GPC5: variants seen among roughly 807,000 people sequenced by gnomAD.
GPC5 encodes glypican-5.
GPC5 carries 47 observed loss-of-function variants against 53.9 expected under a neutral mutation model. That is an observed-to-expected ratio of 0.87 (90% CI 0.69 to 1.11). GPC5 has a LOEUF of 1.11. Ranked by LOEUF, GPC5 falls within the 50% of genes most tolerant of loss-of-function variation. GPC5 has a pLI of 0.00. For synonymous variants in GPC5, 286 were observed against 263.3 expected (o/e 1.09, Z -0.84); for missense variants, 748 against 713.1 (o/e 1.05, Z -0.56).
rs139480581 is a variant in GPC5, at chr13:91,648,496, A to G, written c.326-44691A>G. Among the ~76,000 whole-genome samples the G allele has an allele frequency of 1.2e-3, 183 of 152,254 alleles. 7 individuals are homozygous for G. In the East Asian group the frequency reaches 0.029, roughly 24 times the overall value. Reference sequence around the variant, plus strand: ...GATATATATAAATTGATTCTTCTTGAAACAATGATCCATAAGGCCTTTTAA... The same window carrying G: ...GATATATATAAATTGATTCTTCTTGGAACAATGATCCATAAGGCCTTTTAA... On this transcript the variant is annotated intron_variant, in intron 2 of 7. Coordinates refer to ENST00000377067, the MANE Select transcript of GPC5 (RefSeq NM_004466.6).
rs537438808 is a variant in GPC5 at position 92,071,782 on chromosome 13, AT to A, written c.1402-73040del. Among the ~76,000 whole-genome samples the A allele has an allele frequency of 5.8e-4, 87 of 149,792 alleles. 1 individual carries two copies. In the South Asian group the frequency reaches 0.017, roughly 30 times the overall value. On this transcript the variant is annotated intron_variant, in intron 6 of 7. Transcript: ENST00000377067. The stretch of plus-strand genomic sequence containing the variant: ...ATGTTTTTTCAAGAGAAAAGACACA[AT>A]TTTTTTTATCCAATGTGCCTTTAAA...
chr13:92,206,340 T>C (rs2042337251), intron 7 of GPC5, among the ~76,000 whole-genome samples: 1 of 151,180 alleles, frequency 6.6e-6, no homozygotes, highest in African/African-American at 2.4e-5. Flanking sequence ...AATTTTTTTG[T>C]AGTTTTAGTA....
At position 91,405,675 on chromosome 13, in the gene GPC5, T is replaced by C. The variant is rs115458615; in HGVS notation, c.163+6466T>C. Among the ~76,000 whole-genome samples, 661 of 152,292 alleles carry C rather than the reference T, an allele frequency of 4.3e-3. 10 individuals are homozygous for C. Among genetic ancestry groups the C allele is most frequent in the African/African-American group, 0.015 (644 of 41,566 alleles). The stretch of plus-strand genomic sequence containing the variant: ...TGATGGAGACAGAGAACATACCTGC[T>C]AGGGCCATTTTCCTGGGCATGTGAT... On this transcript the variant is annotated intron_variant, in intron 1 of 7. Coordinates refer to ENST00000377067, the MANE Select transcript of GPC5 (RefSeq NM_004466.6).
At chr13:91,976,360 A>G (rs565061299) in intron 6 of GPC5, among the ~76,000 whole-genome samples, 2 of 152,348 alleles carry the variant, frequency 1.3e-5, no homozygotes, top group South Asian at 4.1e-4. Context: ...GATTTGGTTT[A>G]GGTCCTGCTG....
chr13:92,340,836 A>T (rs1326689968), intron 7 of GPC5, among the ~76,000 whole-genome samples: 1 of 152,152 alleles, frequency 6.6e-6, no homozygotes, highest in Non-Finnish European at 1.5e-5. Flanking sequence ...TAAAATAATG[A>T]AACCATTTGC....
chr13:91,881,424 CA>C (rs2039262454), intron 5 of GPC5, among the ~76,000 whole-genome samples: 1 of 151,930 alleles, frequency 6.6e-6, no homozygotes, highest in African/African-American at 2.4e-5. Flanking sequence ...TATGTGAGGT[CA>C]TCAGTCAATG....
At chr13:92,422,814 A>T (rs1876638524) in intron 7 of GPC5, among the ~76,000 whole-genome samples, 1 of 152,232 alleles carries the variant, frequency 6.6e-6, no homozygotes, top group Non-Finnish European at 1.5e-5. Context: ...CTATTTGATT[A>T]CTTTAAAAAA....
At chr13:92,744,597 T>C (rs1889195253) in intron 7 of GPC5, among the ~76,000 whole-genome samples, 1 of 151,200 alleles carries the variant, frequency 6.6e-6, no homozygotes. Flanking sequence ...GCCAAGGAGA[T>C]AGGATAATGA....
At chr13:92,484,586 A>G (rs1159513054) in intron 7 of GPC5, 2 of 152,174 alleles carry the variant, frequency 1.3e-5, no homozygotes, top group Non-Finnish European at 2.9e-5. Context: ...AGGCAATAGG[A>G]ATCTTTCACC....
intron 7 of GPC5, among the ~76,000 whole-genome samples, chr13:92,219,781 C>G (rs1471555233): frequency 6.6e-6 from 1 of 152,152 alleles, no homozygotes; most frequent in African/African-American, 2.4e-5. Flanking sequence ...CCTCCTGCAA[C>G]CAATCAGACT....
chr13:92,333,547 G>A (rs2043302365), intron 7 of GPC5, among the ~76,000 whole-genome samples: 2 of 152,022 alleles, frequency 1.3e-5, no homozygotes, highest in Non-Finnish European at 2.9e-5. Flanking sequence ...GTGCTGAGAA[G>A]CACTTCTGAA....
intron 7 of GPC5, among the ~76,000 whole-genome samples, chr13:92,695,117 AC>A (rs1887520697): frequency 6.6e-6 from 1 of 151,788 alleles, no homozygotes; most frequent in Non-Finnish European, 1.5e-5. Flanking sequence ...AGTCAATTAA[AC>A]CTCTTTCCTT....
At chr13:92,017,640 T>G (rs1410396645) in intron 6 of GPC5, among the ~76,000 whole-genome samples, 1 of 152,178 alleles carries the variant, frequency 6.6e-6, no homozygotes, top group East Asian at 1.9e-4. Flanking sequence ...AAAATATGAT[T>G]CAGTGGATGG....
intron 7 of GPC5, among the ~76,000 whole-genome samples, chr13:92,426,055 C>T (rs1327274488): frequency 6.6e-5 from 10 of 152,002 alleles, no homozygotes; most frequent in Non-Finnish European, 1.3e-4. Flanking sequence ...AATACAACAC[C>T]GAACACTGAA....
chr13:91,674,515 A>ACATATATGCGTATGTGTATATATACG (rs1594412774), intron 2 of GPC5, among the ~76,000 whole-genome samples: 1 of 149,158 alleles, frequency 6.7e-6, no homozygotes, highest in South Asian at 2.1e-4. Context: ...GTATATATAC[A>ACATATATGCGTATGTGTATATATACG]CATATATGCG....
At chr13:92,227,989 A>G (rs2042501018) in intron 7 of GPC5, among the ~76,000 whole-genome samples, 1 of 152,108 alleles carries the variant, frequency 6.6e-6, no homozygotes, top group Non-Finnish European at 1.5e-5. Flanking sequence ...TAGAGAAAAT[A>G]TATTATTTAA....
intron 6 of GPC5, among the ~76,000 whole-genome samples, chr13:92,111,248 A>C (rs957085458): frequency 6.6e-6 from 1 of 152,114 alleles, no homozygotes; most frequent in African/African-American, 2.4e-5. Context: ...ATCTACCTAC[A>C]TTCCTTTTAT....
chr13:92,627,364 A>T (rs2139125041), intron 7 of GPC5, among the ~76,000 whole-genome samples: 1 of 152,334 alleles, frequency 6.6e-6, no homozygotes, highest in East Asian at 1.9e-4. Context: ...ACCATACTAC[A>T]GCTTGGATTT....
intron 7 of GPC5, among the ~76,000 whole-genome samples, chr13:92,525,541 C>G (rs989092451): frequency 2.7e-5 from 4 of 149,946 alleles, no homozygotes; most frequent in African/African-American, 9.8e-5. Flanking sequence ...TGAGAAGAAA[C>G]TGTAGCATAA....
Sources: allele counts gnomAD v4.1 joint callset (sites outside exome capture counted in the v4.1 genomes callset), GRCh38; gene constraint gnomAD v4.1.1; transcripts MANE v1.5; gene names NCBI Gene and HGNC (gene_info 2026-07-23, HGNC 2026-07-21).